The following CREBRF variants were observed in gnomAD, a reference collection of about 807,000 sequenced individuals.
The protein encoded by CREBRF is CREB3 regulatory factor.
A neutral mutation model predicts 66.1 loss-of-function variants in CREBRF; 5 were observed. The observed-to-expected ratio is 0.08, with a 90% confidence interval of 0.04 to 0.16. The LOEUF is 0.16. CREBRF is among the 10% of genes least tolerant of loss of function. The pLI, the probability that CREBRF is intolerant of heterozygous loss-of-function variation, is 1.00. For missense variants in CREBRF, 531 were observed against 744.9 expected (o/e 0.71, Z 3.34); for synonymous variants, 229 against 264.4 (o/e 0.87, Z 1.30).
At chr5:173,067,525 C>T (rs535807049) in intron 1 of CREBRF, among the ~76,000 whole-genome samples, 3 of 152,192 alleles carry the variant, frequency 2.0e-5, no homozygotes, top group East Asian at 3.9e-4. Flanking sequence ...CTAATTTTTT[C>T]CCCCAAAAGA....
At chr5:173,112,451 T>A in intron 7 of CREBRF, 72 bp downstream of exon 7, 1 of 1,122,276 alleles carries the variant, frequency 8.9e-7, no homozygotes, top group Non-Finnish European at 1.3e-6. Flanking sequence ...TTCTTTGGTT[T>A]GTGATTTGCT....
chr5:173,115,256 C>T (rs979238485), intron 7 of CREBRF, among the ~76,000 whole-genome samples: 1 of 151,860 alleles, frequency 6.6e-6, no homozygotes, highest in African/African-American at 2.4e-5. Context: ...TACAGGCATG[C>T]ACCACTACTC....
chr5:173,115,660 C>T lies in CREBRF; in HGVS notation c.1681+3281C>T, dbSNP rs560533772. The stretch of plus-strand genomic sequence containing the variant: ...GTTTTGCTTTGTTTTTTTTTTGAGA[C>T]GGAGTCTCGCTCTGTCGCCCAAGCT... On this transcript the variant is annotated intron_variant, in intron 7 of 8. Transcript: ENST00000296953. Among the ~76,000 whole-genome samples, 8 of 151,424 alleles carry T rather than the reference C, an allele frequency of 5.3e-5. 1 individual carries two copies. The South Asian group carries it at 1.5e-3, about 28-fold the overall frequency.
At chr5:173,087,740 C>T (rs1174734299) in intron 3 of CREBRF, among the ~76,000 whole-genome samples, 1 of 152,048 alleles carries the variant, frequency 6.6e-6, no homozygotes, top group Non-Finnish European at 1.5e-5. Context: ...AATCCCAGCA[C>T]TTTGAGAGGC....
chr5:173,084,704 C>T (rs554199025), intron 2 of CREBRF, among the ~76,000 whole-genome samples: 2 of 152,198 alleles, frequency 1.3e-5, no homozygotes, highest in South Asian at 2.1e-4. Context: ...TGCAGTGGCA[C>T]GATCTCGGCT....
intron 1 of CREBRF, among the ~76,000 whole-genome samples, chr5:173,059,051 A>G (rs1191098171): frequency 2.0e-5 from 3 of 151,564 alleles, no homozygotes; most frequent in Non-Finnish European, 4.4e-5. Context: ...CACCCACCTC[A>G]GCTTCCAAAG....
At chr5:173,127,388 G>A (rs1759302098) in intron 8 of CREBRF, among the ~76,000 whole-genome samples, 1 of 149,806 alleles carries the variant, frequency 6.7e-6, no homozygotes, top group Non-Finnish European at 1.5e-5. Context: ...GACCTCAAGT[G>A]ATCTTCCCGC....
At position 173,056,421 on chromosome 5, in the gene CREBRF, G is replaced by C; in HGVS notation, c.-250G>C. ...AACAAACCCGAGGCAGCATGGAGAG[G>C]GGCCGTGGCCCCTGCAGCGGAACCG... On this transcript the variant is annotated 5_prime_UTR_variant, in exon 1 of 9. Coordinates refer to ENST00000296953, the MANE Select transcript of CREBRF (RefSeq NM_153607.3). 7.5e-6 allele frequency: 3 copies of C among 398,392 alleles called. No individual in the cohort carries two copies. In the South Asian group the frequency reaches 3.8e-4, roughly 51 times the overall value. 24.7% of individuals were successfully genotyped at this position (398,392 alleles called of 1,614,324 possible). A position where few individuals can be genotyped will look rare whatever the true frequency, so the allele number is the denominator to read the frequency against.
At chr5:173,068,521 A>G (rs1757500912) in intron 1 of CREBRF, among the ~76,000 whole-genome samples, 1 of 152,234 alleles carries the variant, frequency 6.6e-6, no homozygotes, top group Admixed American at 6.5e-5. Context: ...TTGTTTGAAC[A>G]ATAAAGAGCA....
intron 1 of CREBRF, among the ~76,000 whole-genome samples, chr5:173,068,905 C>T (rs1184830846): frequency 6.7e-6 from 1 of 148,696 alleles, no homozygotes; most frequent in African/African-American, 2.5e-5. Context: ...CCCATCAGTA[C>T]TGAAAAAAAA....
At chr5:173,116,006 A>G (rs1190723577) in intron 7 of CREBRF, among the ~76,000 whole-genome samples, 1 of 152,160 alleles carries the variant, frequency 6.6e-6, no homozygotes, top group Non-Finnish European at 1.5e-5. Flanking sequence ...ATAACAAATC[A>G]CTGGTTTTTA....
intron 1 of CREBRF, chr5:173,057,617 TA>T (rs1212634562): frequency 6.6e-6 from 1 of 152,384 alleles, no homozygotes; most frequent in Non-Finnish European, 1.5e-5. Context: ...CGCCCTCCTT[TA>T]ACCCAAGAAA....
chr5:173,113,943 C>T (rs1318184600), intron 7 of CREBRF, among the ~76,000 whole-genome samples: 2 of 152,132 alleles, frequency 1.3e-5, no homozygotes, highest in Non-Finnish European at 2.9e-5. Flanking sequence ...AAAAATTGTC[C>T]TCTTCGATGT....
chr5:173,063,148 G>A (rs1256171089), intron 1 of CREBRF, among the ~76,000 whole-genome samples: 1 of 152,078 alleles, frequency 6.6e-6, no homozygotes, highest in Non-Finnish European at 1.5e-5. Context: ...CACCAGCCAA[G>A]CCTTATATGC....
chr5:173,085,768 C>T, intron 2 of CREBRF: 1 of 774,656 alleles, frequency 1.3e-6, no homozygotes, highest in Non-Finnish European at 2.4e-6. Context: ...ACTCCACATA[C>T]CTGATGGCCT....
intron 4 of CREBRF, among the ~76,000 whole-genome samples, chr5:173,103,927 A>G (rs1446544026): frequency 6.6e-6 from 1 of 152,224 alleles, no homozygotes; most frequent in African/African-American, 2.4e-5. Context: ...TCAGATAGCA[A>G]TGAGTTAGAT....
intron 8 of CREBRF, among the ~76,000 whole-genome samples, chr5:173,130,463 G>A (rs917056408): frequency 2.6e-5 from 4 of 151,186 alleles, no homozygotes; most frequent in African/African-American, 4.8e-5. Context: ...AGAATTGTAC[G>A]ATGAACATAT....
chr5:173,082,106 C>G (rs1024522686), intron 2 of CREBRF, among the ~76,000 whole-genome samples: 4 of 148,830 alleles, frequency 2.7e-5, no homozygotes, highest in African/African-American at 4.9e-5. Flanking sequence ...CTCCACCTCC[C>G]GGGTTCACGC....
At chr5:173,113,132 A>G (rs751120021) in intron 7 of CREBRF, among the ~76,000 whole-genome samples, 7 of 152,046 alleles carry the variant, frequency 4.6e-5, no homozygotes, top group Non-Finnish European at 1.0e-4. Flanking sequence ...ATCTGGGAAT[A>G]CAGGAGTGCA....
Sources: allele counts gnomAD v4.1 joint callset (sites outside exome capture counted in the v4.1 genomes callset), GRCh38; gene constraint gnomAD v4.1.1; transcripts MANE v1.5; gene names NCBI Gene and HGNC (gene_info 2026-07-23, HGNC 2026-07-21).